EXT1: variants seen among roughly 807,000 people sequenced by gnomAD.
EXT1 encodes the protein exostosin glycosyltransferase 1, also known as exostosin-1.
A neutral mutation model predicts 82.5 loss-of-function variants in EXT1; 20 were observed. That is an observed-to-expected ratio of 0.24 (90% CI 0.17 to 0.35). The LOEUF (loss-of-function observed/expected upper bound fraction) is 0.35, where lower values mean the gene tolerates loss of function less well. Among genes scored for constraint, EXT1 ranks in the 10% least tolerant of loss-of-function variants. The pLI, the probability that EXT1 is intolerant of heterozygous loss-of-function variation, is 1.00. For missense variants in EXT1, 757 were observed against 936.5 expected (o/e 0.81, Z 2.50); for synonymous variants, 348 against 350.8 (o/e 0.99, Z 0.09).
At chr8:117,946,380 C>T (rs999965686) in intron 1 of EXT1, among the ~76,000 whole-genome samples, 2 of 42,888 alleles carry the variant, frequency 4.7e-5, no homozygotes, top group Non-Finnish European at 1.8e-4. Context: ...TATGTCAACG[C>T]TCTGAGGGAG....
chr8:117,900,946 T>A (rs1016370590), intron 1 of EXT1, among the ~76,000 whole-genome samples: 1 of 152,240 alleles, frequency 6.6e-6, no homozygotes, highest in Non-Finnish European at 1.5e-5. Flanking sequence ...ATTCTCCAAT[T>A]CCTACCAAGG....
At chr8:117,949,832 A>G (rs1403617564) in intron 1 of EXT1, among the ~76,000 whole-genome samples, 1 of 152,220 alleles carries the variant, frequency 6.6e-6, no homozygotes, top group African/African-American at 2.4e-5. Flanking sequence ...TTTAAGCCCA[A>G]TATCAGTCTT....
At chr8:117,947,921 G>A (rs868666719) in intron 1 of EXT1, among the ~76,000 whole-genome samples, 10 of 152,094 alleles carry the variant, frequency 6.6e-5, no homozygotes, top group African/African-American at 1.4e-4. Flanking sequence ...TCATCCCTTC[G>A]TGGGCCTCTC....
chr8:117,829,709 G>A (rs1321138684), intron 4 of EXT1, among the ~76,000 whole-genome samples: 2 of 151,438 alleles, frequency 1.3e-5, no homozygotes, highest in South Asian at 2.1e-4. Context: ...GAGTAGCTGG[G>A]ATTACAAGCG....
chr8:117,959,046 C>T (rs1457678183), intron 1 of EXT1, among the ~76,000 whole-genome samples: 1 of 152,156 alleles, frequency 6.6e-6, no homozygotes, highest in Non-Finnish European at 1.5e-5. Context: ...ACTAAGGGGC[C>T]CTTGTTTGAA....
At chr8:117,997,244 ACT>A (rs1815563320) in intron 1 of EXT1, among the ~76,000 whole-genome samples, 1 of 128,772 alleles carries the variant, frequency 7.8e-6, no homozygotes, top group African/African-American at 3.5e-5. Context: ...TAGTTGTCAT[ACT>A]ATATATATAT....
At chr8:117,810,629 T>A (rs561398931) in intron 8 of EXT1, among the ~76,000 whole-genome samples, 1 of 152,176 alleles carries the variant, frequency 6.6e-6, no homozygotes, top group Non-Finnish European at 1.5e-5. Flanking sequence ...AGATAGAGGA[T>A]GAATCAATAC....
At chr8:117,844,589 C>T (rs1812323914) in intron 1 of EXT1, among the ~76,000 whole-genome samples, 1 of 152,060 alleles carries the variant, frequency 6.6e-6, no homozygotes, top group African/African-American at 2.4e-5. Flanking sequence ...TCCAACTGGC[C>T]ACTGTTCCAT....
chr8:118,035,708 C>T (rs1210502951), intron 1 of EXT1, among the ~76,000 whole-genome samples: 1 of 152,038 alleles, frequency 6.6e-6, no homozygotes, highest in African/African-American at 2.4e-5. Flanking sequence ...ACACGATTTT[C>T]GGAAACACAA....
chr8:117,838,349 A>G (rs1426561259), intron 1 of EXT1, among the ~76,000 whole-genome samples: 1 of 152,186 alleles, frequency 6.6e-6, no homozygotes. Context: ...TGGTATATAC[A>G]TTTATATTTT....
Position 117,897,591 on chromosome 8 carries a change from C to CTTTTTTTTTTTTTTTTT in EXT1, c.963-60407_963-60391dup, listed in dbSNP as rs34963536. Among the ~76,000 whole-genome samples, 85 of 90,688 alleles carry CTTTTTTTTTTTTTTTTT rather than the reference C, an allele frequency of 9.4e-4. 2 individuals are homozygous for CTTTTTTTTTTTTTTTTT. Among genetic ancestry groups the CTTTTTTTTTTTTTTTTT allele is most frequent in the African/African-American group, 2.5e-3 (58 of 22,890 alleles). The allele number at this position is 90,688 out of a possible 152,430, so 59.5% of individuals were successfully genotyped here. A position where few individuals can be genotyped will look rare whatever the true frequency, so the allele number is the denominator to read the frequency against. ...TAGCCCATTGCCGGGCTTCTTTTCTCTTTTTTTTTTTTTTTTTTTTTGAGA... is the reference window on the plus strand; with the variant it reads ...TAGCCCATTGCCGGGCTTCTTTTCTCTTTTTTTTTTTTTTTTTTTTTTTTTTTTTTTTTTTTTTGAGA... On this transcript the variant is annotated intron_variant, in intron 1 of 10. Transcript: ENST00000378204.
At chr8:118,083,007 G>A (rs1817358548) in intron 1 of EXT1, among the ~76,000 whole-genome samples, 1 of 152,154 alleles carries the variant, frequency 6.6e-6, no homozygotes, top group Non-Finnish European at 1.5e-5. Context: ...GATACGCCCT[G>A]GAGTATGTAC....
At chr8:118,075,688 C>T (rs1484948846) in intron 1 of EXT1, among the ~76,000 whole-genome samples, 1 of 152,028 alleles carries the variant, frequency 6.6e-6, no homozygotes, top group East Asian at 1.9e-4. Flanking sequence ...GCAGGCTGTA[C>T]AGGAAGCATG....
At chr8:118,003,017 A>AT (rs1563626182) in intron 1 of EXT1, among the ~76,000 whole-genome samples, 1 of 152,096 alleles carries the variant, frequency 6.6e-6, no homozygotes, top group African/African-American at 2.4e-5. Flanking sequence ...AATGTTTTAT[A>AT]TGTGTATATA....
rs527531802 is a variant in EXT1, at chr8:117,944,938, G to C, written c.963-107737C>G. ...AGCACTTTGGGAGGCGGAGGCGGGC[G>C]GATCACGAGGTCAGGAGATCGAGAC... On this transcript the variant is annotated intron_variant, in intron 1 of 10. Coordinates refer to ENST00000378204, the MANE Select transcript of EXT1 (RefSeq NM_000127.3). Among the ~76,000 whole-genome samples the C allele has an allele frequency of 3.2e-3, 493 of 152,234 alleles. 7 individuals carry two copies. The highest frequency in any genetic ancestry group is 3.7e-3 in the Non-Finnish European group (255 of 68,004).
chr8:117,951,946 A>G (rs1263671268), intron 1 of EXT1, among the ~76,000 whole-genome samples: 1 of 152,244 alleles, frequency 6.6e-6, no homozygotes, highest in Non-Finnish European at 1.5e-5. Context: ...TTTTCAAGCT[A>G]CCATGGCAGA....
At chr8:118,101,872 T>C (rs960561289) in intron 1 of EXT1, among the ~76,000 whole-genome samples, 11 of 152,118 alleles carry the variant, frequency 7.2e-5, no homozygotes, top group Non-Finnish European at 1.0e-4. Flanking sequence ...AAGTTCTATA[T>C]TGTGTTTTGA....
At chr8:118,070,239 T>A (rs1227829994) in intron 1 of EXT1, among the ~76,000 whole-genome samples, 3 of 123,972 alleles carry the variant, frequency 2.4e-5, no homozygotes, top group Admixed American at 2.2e-4. Context: ...TGTGTGTGTG[T>A]GTGTGTGTGT....
intron 1 of EXT1, among the ~76,000 whole-genome samples, chr8:117,936,495 T>A (rs1814166635): frequency 6.6e-6 from 1 of 152,290 alleles, no homozygotes; most frequent in Non-Finnish European, 1.5e-5. Flanking sequence ...AATTGCTGAT[T>A]AACTTACAAA....
Sources: gnomAD v4.1 joint callset for allele counts (sites outside exome capture counted in the v4.1 genomes callset) on GRCh38, gnomAD v4.1.1 for gene constraint, MANE v1.5 for transcripts, NCBI Gene and HGNC (gene_info 2026-07-23, HGNC 2026-07-21) for gene names.